The following DLC1 variants were observed in gnomAD, a reference collection of about 807,000 sequenced individuals.
DLC1 encodes the protein rho GTPase-activating protein 7.
In DLC1, 54 loss-of-function variants were observed where a neutral mutation model predicts 140.3. That is an observed-to-expected ratio of 0.38 (90% CI 0.31 to 0.48). The LOEUF is 0.48. Ranked by LOEUF, DLC1 falls within the 20% of genes least tolerant of loss-of-function variation. The pLI is 0.96. For synonymous variants in DLC1, 986 were observed against 728.1 expected (o/e 1.35, Z -5.70); for missense variants, 2,536 against 1,907.0 (o/e 1.33, Z -6.14).
chr8:13,509,189 C>G (rs1465345292), intron 1 of DLC1, among the ~76,000 whole-genome samples: 1 of 152,146 alleles, frequency 6.6e-6, no homozygotes, highest in Non-Finnish European at 1.5e-5. Flanking sequence ...TTATTTTTAG[C>G]TTTGCTATCA....
chr8:13,137,601 T>TTA (rs1822666598), intron 5 of DLC1, among the ~76,000 whole-genome samples: 1 of 126,792 alleles, frequency 7.9e-6, no homozygotes, highest in African/African-American at 2.9e-5. Flanking sequence ...GTTTTTGGTT[T>TTA]TGTTTTTTTT....
chr8:13,190,399 C>A (rs1010044911), intron 5 of DLC1, among the ~76,000 whole-genome samples: 27 of 152,148 alleles, frequency 1.8e-4, no homozygotes, highest in African/African-American at 6.5e-4. Flanking sequence ...GTGAGGTTTT[C>A]CTCTCTTCTC....
At chr8:13,420,175 C>T (rs1362260105) in intron 2 of DLC1, among the ~76,000 whole-genome samples, 2 of 152,016 alleles carry the variant, frequency 1.3e-5, no homozygotes, top group Non-Finnish European at 2.9e-5. Context: ...CTCCTGGATT[C>T]ATTAATTTTT....
intron 2 of DLC1, among the ~76,000 whole-genome samples, chr8:13,422,148 G>C (rs1295373818): frequency 6.6e-6 from 1 of 151,916 alleles, no homozygotes; most frequent in Non-Finnish European, 1.5e-5. Context: ...TTGGGATTCA[G>C]GATTCCTTAA....
At chr8:13,420,458 G>A (rs1403996676) in intron 2 of DLC1, among the ~76,000 whole-genome samples, 1 of 152,054 alleles carries the variant, frequency 6.6e-6, no homozygotes, top group African/African-American at 2.4e-5. Context: ...TGTTACATAG[G>A]TATACATGTG....
chr8:13,498,903 A>G (rs1051472077), intron 2 of DLC1, 146 bp downstream of exon 2: 2 of 858,562 alleles, frequency 2.3e-6, no homozygotes, highest in Admixed American at 3.1e-5. Context: ...TGGTTTGACC[A>G]AGTGGGTAGT....
chr8:13,551,897 CATATAT>C (rs3066463), intron 1 of DLC1, among the ~76,000 whole-genome samples: 4 of 137,896 alleles, frequency 2.9e-5, no homozygotes, highest in African/African-American at 1.1e-4. Context: ...GGTATATATA[CATATAT>C]ATATATATAT....
At chr8:13,443,191 CTG>C (rs1436918194) in intron 2 of DLC1, among the ~76,000 whole-genome samples, 2 of 124,570 alleles carry the variant, frequency 1.6e-5, no homozygotes, top group South Asian at 2.6e-4. Context: ...ACATCAGACA[CTG>C]GGGCCTGTTG....
chr8:13,304,989 T>C (rs1018052728), intron 5 of DLC1: 11 of 1,078,200 alleles, frequency 1.0e-5, no homozygotes, highest in South Asian at 8.0e-5. Context: ...TTGATCAACA[T>C]TTAATTCTTT....
intron 5 of DLC1, chr8:13,116,243 G>C: frequency 2.0e-6 from 2 of 985,400 alleles, no homozygotes; most frequent in Non-Finnish European, 2.4e-6. Context: ...CACGAAGTCA[G>C]TAAATCCCAC....
At chr8:13,582,324 T>C (rs1805133562) in intron 1 of DLC1, among the ~76,000 whole-genome samples, 3 of 152,324 alleles carry the variant, frequency 2.0e-5, no homozygotes, top group South Asian at 2.1e-4. Context: ...TAATACTAAA[T>C]GTCAACTTGA....
At chr8:13,129,297 T>C (rs35335364) in intron 5 of DLC1, among the ~76,000 whole-genome samples, 21,431 of 152,246 alleles carry the variant, frequency 0.14, 1,667 homozygotes, top group Non-Finnish European at 0.16. Context: ...ATAGAGACAG[T>C]TGTGAAAGTG....
intron 3 of DLC1, among the ~76,000 whole-genome samples, chr8:13,399,421 G>A (rs1837200922): frequency 6.6e-6 from 1 of 152,126 alleles, no homozygotes; most frequent in Non-Finnish European, 1.5e-5. Flanking sequence ...TGTGAACACA[G>A]GTAAATTACT....
At chr8:13,162,313 G>C (rs1253869459) in intron 5 of DLC1, among the ~76,000 whole-genome samples, 2 of 45,482 alleles carry the variant, frequency 4.4e-5, no homozygotes, top group African/African-American at 2.1e-4. Flanking sequence ...TCTACAGTTT[G>C]TTGTTGTTGT....
At chr8:13,582,876 GTC>G (rs1229959198) in intron 1 of DLC1, among the ~76,000 whole-genome samples, 29 of 41,986 alleles carry the variant, frequency 6.9e-4, no homozygotes, top group African/African-American at 2.1e-3. Context: ...ATATACTGTG[GTC>G]TATATATATA....
chr8:13,587,594 A>G (rs559598109), intron 1 of DLC1, among the ~76,000 whole-genome samples: 1 of 86,074 alleles, frequency 1.2e-5, no homozygotes, highest in East Asian at 4.3e-4. Context: ...ATATATATAT[A>G]TACATTGCAT....
At chr8:13,574,621 A>G (rs1315530579) in intron 1 of DLC1, among the ~76,000 whole-genome samples, 1 of 152,154 alleles carries the variant, frequency 6.6e-6, no homozygotes, top group Non-Finnish European at 1.5e-5. Flanking sequence ...TAATATATAC[A>G]TAATAGAAAT....
At chr8:13,457,534 G>A (rs530133115) in intron 2 of DLC1, among the ~76,000 whole-genome samples, 24 of 151,854 alleles carry the variant, frequency 1.6e-4, no homozygotes, top group Admixed American at 1.5e-3. Context: ...AAAATTAGCC[G>A]GGTGTGGTGA....
intron 1 of DLC1, among the ~76,000 whole-genome samples, chr8:13,555,207 C>G (rs892096480): frequency 2.0e-5 from 3 of 152,238 alleles, no homozygotes; most frequent in Non-Finnish European, 4.4e-5. Context: ...CCATTGAACT[C>G]TCTGCTGCTT....
Sources: allele counts gnomAD v4.1 joint callset (sites outside exome capture counted in the v4.1 genomes callset), GRCh38; gene constraint gnomAD v4.1.1; transcripts MANE v1.5; gene names NCBI Gene and HGNC (gene_info 2026-07-23, HGNC 2026-07-21).